Variants in ARHGAP26 observed in about 807,000 individuals in gnomAD.
ARHGAP26 encodes rho GTPase-activating protein 26.
A neutral mutation model predicts 104.8 loss-of-function variants in ARHGAP26; 38 were observed. The observed-to-expected ratio is 0.36, with a 90% CI of 0.28 to 0.48. The LOEUF is 0.48. Ranked by LOEUF, ARHGAP26 falls within the 20% of genes least tolerant of loss-of-function variation. The pLI, the probability that ARHGAP26 is intolerant of heterozygous loss-of-function variation, is 0.99. For synonymous variants in ARHGAP26, 341 were observed against 340.0 expected (o/e 1.00, Z -0.03); for missense variants, 704 against 947.9 (o/e 0.74, Z 3.38).
At chr5:142,841,261 G>A (rs1252394711) in intron 1 of ARHGAP26, among the ~76,000 whole-genome samples, 2 of 152,194 alleles carry the variant, frequency 1.3e-5, no homozygotes, top group African/African-American at 2.4e-5. Context: ...AACTAGGAAA[G>A]AAACAAATCC....
intron 11 of ARHGAP26, among the ~76,000 whole-genome samples, chr5:143,004,017 CAAAAAAA>C (rs144058530): frequency 0.63 from 74,560 of 118,316 alleles, 23,944 homozygotes; most frequent in Non-Finnish European, 0.75. Flanking sequence ...AATTTATAGA[CAAAAAAA>C]AAAAAAAAAA....
intron 11 of ARHGAP26, among the ~76,000 whole-genome samples, chr5:142,976,294 C>G (rs1159314415): frequency 6.6e-6 from 1 of 152,186 alleles, no homozygotes; most frequent in East Asian, 1.9e-4. Context: ...AAGCACCTCT[C>G]TAAAGGAAAT....
chr5:142,986,749 T>C (rs1242702692), intron 11 of ARHGAP26, among the ~76,000 whole-genome samples: 6 of 152,220 alleles, frequency 3.9e-5, no homozygotes, highest in African/African-American at 1.4e-4. Context: ...CAGCACCATT[T>C]ATTAAATAGG....
Position 143,227,411 on chromosome 5 carries a change from A to G in ARHGAP26, c.*4965A>G. 4.3e-6 allele frequency: 1 copy of G among 231,026 alleles called. No individual in the cohort carries two copies. The highest frequency in any genetic ancestry group is 6.1e-5 in the East Asian group (1 of 16,326). The allele number at this position is 231,026 out of a possible 1,614,324, so 14.3% of individuals were successfully genotyped here. ...TATAAAGTCAGCAGGATGTCTTCTC[A>G]CCCACCCTGTGCTGGTGTCTAACAA... On this transcript the variant is annotated 3_prime_UTR_variant, in exon 23 of 23. Transcript: ENST00000645722.
intron 1 of ARHGAP26, among the ~76,000 whole-genome samples, chr5:142,847,007 G>A (rs756980202): frequency 4.8e-4 from 73 of 151,964 alleles, no homozygotes; most frequent in South Asian, 2.7e-3. Flanking sequence ...GGGTAGCGGG[G>A]GGTGATTCAT....
At chr5:143,047,163 T>C (rs1449688207) in intron 14 of ARHGAP26, among the ~76,000 whole-genome samples, 1 of 152,224 alleles carries the variant, frequency 6.6e-6, no homozygotes, top group African/African-American at 2.4e-5. Context: ...CAATTCTTCA[T>C]CATTCTAGAA....
chr5:143,190,938 A>G (rs912399116), intron 20 of ARHGAP26, among the ~76,000 whole-genome samples: 5 of 152,230 alleles, frequency 3.3e-5, no homozygotes, highest in African/African-American at 1.2e-4. Flanking sequence ...GACACAAAAG[A>G]CCACACAATA....
intron 19 of ARHGAP26, among the ~76,000 whole-genome samples, chr5:143,139,161 A>G (rs952503730): frequency 2.0e-5 from 3 of 152,368 alleles, no homozygotes; most frequent in African/African-American, 7.2e-5. Flanking sequence ...CATTTGGTAA[A>G]GAACTTTCAG....
intron 20 of ARHGAP26, among the ~76,000 whole-genome samples, chr5:143,163,599 C>T (rs1307792887): frequency 2.0e-5 from 3 of 152,126 alleles, no homozygotes; most frequent in East Asian, 1.9e-4. Context: ...TACAGGGGTG[C>T]ACCACCACAC....
intron 14 of ARHGAP26, among the ~76,000 whole-genome samples, chr5:143,049,692 A>G (rs1784721901): frequency 6.6e-6 from 1 of 152,198 alleles, no homozygotes; most frequent in Non-Finnish European, 1.5e-5. Context: ...TGTTAGAATC[A>G]TTATCTTACC....
Position 142,949,198 on chromosome 5 carries a change from AGAGAGAGAGAGAGAGAGAGAGAG to A in ARHGAP26, c.1107+17085_1107+17107del, listed in dbSNP as rs1767771701. ...GAGAGAGAGAGAGAGAGAGAGAGAGAGAGAGAGAGAGAGAGAGAGAGAGGAGAGAGAGAGGAGAGAGAGAGAGA... is the reference window on the plus strand; with the variant it reads ...GAGAGAGAGAGAGAGAGAGAGAGAGAGAGAGAGAGAGGAGAGAGAGAGAGA... On this transcript the variant is annotated intron_variant, in intron 11 of 22. Transcript: ENST00000645722. Among the ~76,000 whole-genome samples, 9 of 31,526 alleles carry A rather than the reference AGAGAGAGAGAGAGAGAGAGAGAG, an allele frequency of 2.9e-4. 1 individual carries two copies. In the African/African-American group the frequency reaches 3.0e-3, roughly 11 times the overall value. The allele number at this position is 31,526 out of a possible 152,430, so 20.7% of individuals were successfully genotyped here.
At chr5:142,939,565 CA>C (rs1187155337) in intron 11 of ARHGAP26, among the ~76,000 whole-genome samples, 3 of 152,198 alleles carry the variant, frequency 2.0e-5, no homozygotes, top group African/African-American at 4.8e-5. Flanking sequence ...ATATGTTCTG[CA>C]TCTAATATCT....
At chr5:143,008,062 AGAAG>A (rs1457190925) in intron 11 of ARHGAP26, among the ~76,000 whole-genome samples, 1 of 152,226 alleles carries the variant, frequency 6.6e-6, no homozygotes, top group African/African-American at 2.4e-5. Context: ...AAGTGGGAAG[AGAAG>A]GAAGGAGGAA....
intron 12 of ARHGAP26, among the ~76,000 whole-genome samples, chr5:143,022,417 C>CT (rs1403401304): frequency 1.3e-5 from 2 of 152,126 alleles, no homozygotes; most frequent in East Asian, 3.9e-4. Context: ...CAGGGGTCCA[C>CT]TTTTTTTAGT....
chr5:143,203,717 A>G (rs1808129225), intron 20 of ARHGAP26: 1 of 152,262 alleles, frequency 6.6e-6, no homozygotes, highest in Non-Finnish European at 1.5e-5. Context: ...TGTGGCACAT[A>G]TACACCATGG....
intron 13 of ARHGAP26, among the ~76,000 whole-genome samples, chr5:143,041,011 T>C: frequency 6.6e-6 from 1 of 152,330 alleles, no homozygotes; most frequent in South Asian, 2.1e-4. Context: ...GGTTGAAGAA[T>C]GGACATCAGA....
At chr5:143,027,871 T>A (rs980973308) in intron 12 of ARHGAP26, among the ~76,000 whole-genome samples, 2 of 152,226 alleles carry the variant, frequency 1.3e-5, no homozygotes, top group Non-Finnish European at 2.9e-5. Flanking sequence ...GGTTCTCGCA[T>A]GTACTGATGC....
At chr5:143,036,367 G>A (rs533860858) in intron 12 of ARHGAP26, among the ~76,000 whole-genome samples, 1 of 152,096 alleles carries the variant, frequency 6.6e-6, no homozygotes, top group Non-Finnish European at 1.5e-5. Context: ...AGCCTTGTGT[G>A]GTTCTCTGCT....
intron 6 of ARHGAP26, among the ~76,000 whole-genome samples, chr5:142,896,697 A>C (rs1166204522): frequency 6.6e-6 from 1 of 152,154 alleles, no homozygotes; most frequent in African/African-American, 2.4e-5. Context: ...TTTCACTTTA[A>C]GAAGCAGTAG....
Sources: gnomAD v4.1 joint callset for allele counts (sites outside exome capture counted in the v4.1 genomes callset) on GRCh38, gnomAD v4.1.1 for gene constraint, MANE v1.5 for transcripts, NCBI Gene and HGNC (gene_info 2026-07-23, HGNC 2026-07-21) for gene names.